Variants in ABHD17C observed in about 807,000 individuals in gnomAD.
ABHD17C encodes the protein alpha/beta hydrolase domain-containing protein 17C.
A neutral mutation model predicts 27.9 loss-of-function variants in ABHD17C; 11 were observed. The observed-to-expected ratio is 0.39, with a 90% CI of 0.25 to 0.65. The LOEUF is 0.65. ABHD17C is among the 30% of genes least tolerant of loss of function. The pLI is 0.45. For missense variants in ABHD17C, 280 were observed against 470.2 expected, an observed-to-expected ratio of 0.60 and a Z score of 3.74; for synonymous variants, 233 against 209.1, an observed-to-expected ratio of 1.11 and a Z score of -0.98.
intron 1 of ABHD17C, among the ~76,000 whole-genome samples, chr15:80,701,678 C>CA (rs35847895): frequency 0.015 from 1,780 of 116,102 alleles, 18 homozygotes; most frequent in African/African-American, 0.042. Flanking sequence ...GACTCCATCT[C>CA]AAAAAAAAAA....
At position 80,754,473 on chromosome 15, in the gene ABHD17C, G is replaced by C. The variant is rs1895408205; in HGVS notation, c.*103G>C. 2 of 961,766 alleles carry C rather than the reference G, an allele frequency of 2.1e-6. No individual in the cohort carries two copies. The highest frequency in any genetic ancestry group is 3.1e-6 in the Non-Finnish European group (2 of 655,158). The allele number at this position is 961,766 out of a possible 1,614,324, so 59.6% of individuals were successfully genotyped here. A position where few individuals can be genotyped will look rare whatever the true frequency, so the allele number is the denominator to read the frequency against. ...GTAAAGGCTTGATAACCATGAAGAA[G>C]TGCCCAACCTTTAGGGTGTTCTAAT... is the stretch of plus-strand genomic sequence containing the variant. On this transcript the variant is annotated 3_prime_UTR_variant, in exon 3 of 3. Coordinates refer to ENST00000258884, the MANE Select transcript of ABHD17C (RefSeq NM_021214.2).
chr15:80,753,595 G>A (rs548382796), intron 2 of ABHD17C, among the ~76,000 whole-genome samples: 5 of 152,174 alleles, frequency 3.3e-5, no homozygotes, highest in African/African-American at 1.2e-4. Flanking sequence ...AGGCTGGAGT[G>A]CAGTGGCACG....
intron 1 of ABHD17C, among the ~76,000 whole-genome samples, chr15:80,712,215 G>A (rs1293149324): frequency 1.3e-5 from 2 of 152,176 alleles, no homozygotes; most frequent in African/African-American, 4.8e-5. Context: ...AGACTCACCC[G>A]GAGCCCAGTA....
chr15:80,719,510 G>A (rs542139342), intron 1 of ABHD17C, among the ~76,000 whole-genome samples: 41 of 152,142 alleles, frequency 2.7e-4, no homozygotes, highest in Middle Eastern at 3.4e-3. Context: ...ATTCTTTCTG[G>A]TAGTCACAAG....
chr15:80,744,415 C>G (rs918009790), intron 1 of ABHD17C, among the ~76,000 whole-genome samples: 18 of 152,100 alleles, frequency 1.2e-4, no homozygotes, highest in African/African-American at 3.9e-4. Flanking sequence ...CTGCTAAAAC[C>G]GGGTGTTAGA....
Position 80,708,665 on chromosome 15 carries a change from G to A in ABHD17C, c.590+12646G>A, listed in dbSNP as rs151228020. 6.8e-3 allele frequency among the ~76,000 whole-genome samples: 1,042 copies of A among 152,312 alleles called. 12 individuals carry two copies. Among genetic ancestry groups the A allele is most frequent in the African/African-American group, 0.024 (997 of 41,568 alleles). On this transcript the variant is annotated intron_variant, in intron 1 of 2. Coordinates refer to ENST00000258884, the MANE Select transcript of ABHD17C (RefSeq NM_021214.2). ...GTACAGGGGGCAGGCTTAACTCTGC[G>A]TGGTCAGCTTCACTCACTCCTTCCT... is the stretch of plus-strand genomic sequence containing the variant.
chr15:80,701,858 G>T (rs913527368), intron 1 of ABHD17C, among the ~76,000 whole-genome samples: 1 of 152,122 alleles, frequency 6.6e-6, no homozygotes, highest in African/African-American at 2.4e-5. Context: ...CCGTTTTGGG[G>T]ATCCACTCAG....
chr15:80,736,095 A>G (rs1011917045), intron 1 of ABHD17C, among the ~76,000 whole-genome samples: 3 of 152,240 alleles, frequency 2.0e-5, no homozygotes, highest in Non-Finnish European at 4.4e-5. Context: ...AAAGGAAAAA[A>G]TATACAGCAG....
rs1220508243 is a variant in ABHD17C, at chr15:80,731,395, G to A, written c.591-18118G>A. On this transcript the variant is annotated intron_variant, in intron 1 of 2. Transcript: ENST00000258884. The stretch of plus-strand genomic sequence containing the variant: ...CAGACTTATGCTTTTCCAAGGAGTC[G>A]TTTTCCTTTGTTGTACTTTTTAAAA... Among the ~76,000 whole-genome samples, 9 of 152,238 alleles carry A rather than the reference G, an allele frequency of 5.9e-5. No homozygotes were observed. In the East Asian group the frequency reaches 7.7e-4, roughly 13 times the overall value.
chr15:80,713,900 C>CCACACACACACACACACACA (rs58311304), intron 1 of ABHD17C, among the ~76,000 whole-genome samples: 1 of 141,146 alleles, frequency 7.1e-6, no homozygotes, highest in Middle Eastern at 3.7e-3. Flanking sequence ...CATATACAGA[C>CCACACACACACACACACACA]CACACACACA....
chr15:80,700,379 G>T (rs903025836), intron 1 of ABHD17C, among the ~76,000 whole-genome samples: 8 of 152,142 alleles, frequency 5.3e-5, no homozygotes, highest in South Asian at 2.1e-4. Context: ...TTAGGTGTCT[G>T]CTGATGCCAT....
At chr15:80,726,612 A>T (rs1303332586) in intron 1 of ABHD17C, among the ~76,000 whole-genome samples, 1 of 140,426 alleles carries the variant, frequency 7.1e-6, no homozygotes, top group Non-Finnish European at 1.5e-5. Flanking sequence ...CCCCGCGTTC[A>T]CACCATTCTC....
At chr15:80,699,641 G>A (rs1894544196) in intron 1 of ABHD17C, among the ~76,000 whole-genome samples, 2 of 152,192 alleles carry the variant, frequency 1.3e-5, no homozygotes, top group African/African-American at 4.8e-5. Context: ...TACTACCAGT[G>A]TGCAGACCCC....
intron 1 of ABHD17C, among the ~76,000 whole-genome samples, chr15:80,719,531 T>C (rs1567033682): frequency 6.6e-6 from 1 of 152,236 alleles, no homozygotes; most frequent in Non-Finnish European, 1.5e-5. Context: ...TGACTTTCCA[T>C]TGATTTCTAT....
intron 1 of ABHD17C, among the ~76,000 whole-genome samples, chr15:80,708,227 C>T (rs912995878): frequency 7.9e-5 from 12 of 152,316 alleles, no homozygotes; most frequent in South Asian, 6.2e-4. Flanking sequence ...TTATTCTAGG[C>T]TCTTGATAGC....
intron 2 of ABHD17C, among the ~76,000 whole-genome samples, chr15:80,750,287 C>T (rs1193247312): frequency 2.0e-5 from 3 of 152,174 alleles, no homozygotes; most frequent in Non-Finnish European, 4.4e-5. Flanking sequence ...TGAACAAACT[C>T]ACCTGCCACC....
chr15:80,738,440 G>C (rs1397486979), intron 1 of ABHD17C, among the ~76,000 whole-genome samples: 1 of 152,090 alleles, frequency 6.6e-6, no homozygotes, highest in Admixed American at 6.6e-5. Flanking sequence ...GTTCATCATT[G>C]GGCAAACTGT....
chr15:80,719,546 T>A (rs1399602805), intron 1 of ABHD17C, among the ~76,000 whole-genome samples: 1 of 152,240 alleles, frequency 6.6e-6, no homozygotes, highest in Non-Finnish European at 1.5e-5. Context: ...TTCTATCATT[T>A]GAATTTATAA....
At chr15:80,728,944 T>A (rs1219128140) in intron 1 of ABHD17C, among the ~76,000 whole-genome samples, 4 of 152,212 alleles carry the variant, frequency 2.6e-5, no homozygotes. Context: ...TGTATCTTGT[T>A]CAAGAGTTGA....
Sources: allele counts gnomAD v4.1 joint callset (sites outside exome capture counted in the v4.1 genomes callset), GRCh38; gene constraint gnomAD v4.1.1; transcripts MANE v1.5; gene names NCBI Gene and HGNC (gene_info 2026-07-23, HGNC 2026-07-21).